SLC33A1: variants seen among roughly 807,000 people sequenced by gnomAD.
SLC33A1 encodes the protein acetyl-coenzyme A transporter 1.
SLC33A1 carries 20 observed loss-of-function variants against 50.0 expected under a neutral mutation model. The ratio of observed to expected loss-of-function variants is 0.40; its 90% confidence interval spans 0.28 to 0.58. The LOEUF is 0.58. Among genes scored for constraint, SLC33A1 ranks in the 20% least tolerant of loss-of-function variants. The pLI is 0.44. For synonymous variants in SLC33A1, 265 were observed against 251.8 expected (o/e 1.05, Z -0.50); for missense variants, 476 against 657.0 (o/e 0.72, Z 3.01).
In SLC33A1 at chr3:155,853,410, G is replaced by A. The variant is rs759952041; in HGVS notation, c.588C>T (p.Ala196=). The change falls in exon 1 of 6, where the codon GCC becomes GCT. Residue 196 remains alanine (A), a synonymous_variant. Transcript: ENST00000643144. The stretch of plus-strand genomic sequence containing the variant: ...ACATAGTTAACGCCCAACCATCGAC[G>A]GCAATGTCCTGAGTGGCGGCCAAGA... ...FEFLAATQDI[A]VDGWALTMLS... The A allele has an allele frequency of 1.2e-6, 2 of 1,614,038 alleles. No homozygotes were observed. Among genetic ancestry groups the A allele is most frequent in the African/African-American group, 1.3e-5 (1 of 75,040 alleles).
At chr3:155,846,009 T>C (rs1442045545) in intron 1 of SLC33A1, among the ~76,000 whole-genome samples, 6 of 152,170 alleles carry the variant, frequency 3.9e-5, no homozygotes, top group Non-Finnish European at 8.8e-5. Flanking sequence ...GATTTCCGAG[T>C]AAAGACCTAA....
Position 155,833,495 on chromosome 3 carries a change from T to G in SLC33A1, c.1239A>C (p.Val413=), listed in dbSNP as rs1752528635. The G allele has an allele frequency of 1.3e-6, 2 of 1,581,492 alleles. No homozygotes were observed. The highest frequency in any genetic ancestry group is 1.7e-6 in the Non-Finnish European group (2 of 1,150,386). The change falls in exon 4 of 6, where the codon GTA becomes GTC. Residue 413 remains valine, a synonymous_variant. Coordinates refer to ENST00000643144, the MANE Select transcript of SLC33A1 (RefSeq NM_004733.4). ...GATGTAAAGCATAACTCAGCAGGAC[T>G]ACGATATAGTAATATATAGGGAATC... ...QGGFPIYYYI[V]VLLSYALHQV...
intron 1 of SLC33A1, 88 bp downstream of exon 1, chr3:155,853,135 C>T: frequency 8.3e-7 from 1 of 1,204,072 alleles, no homozygotes; most frequent in Non-Finnish European, 1.2e-6. Context: ...ACAATGATTT[C>T]CAGTAAATTA....
chr3:155,837,497 T>C (rs1200903585), intron 2 of SLC33A1, among the ~76,000 whole-genome samples: 3 of 152,162 alleles, frequency 2.0e-5, no homozygotes, highest in African/African-American at 7.2e-5. Context: ...CAAAATACTA[T>C]GCATCTTCTA....
At position 155,827,982 on chromosome 3, in the gene SLC33A1, G is replaced by T. The variant is rs967251437; in HGVS notation, c.*228C>A. 1 of 472,170 alleles carries T rather than the reference G, an allele frequency of 2.1e-6. No individual in the cohort carries two copies. Among genetic ancestry groups the T allele is most frequent in the Non-Finnish European group, 3.8e-6 (1 of 262,520 alleles). 29.2% of individuals were successfully genotyped at this position (472,170 alleles called of 1,614,324 possible). On this transcript the variant is annotated 3_prime_UTR_variant, in exon 6 of 6. Coordinates refer to ENST00000643144, the MANE Select transcript of SLC33A1 (RefSeq NM_004733.4). ...ATCAAATAACAAGGCCAGAAAAGTT[G>T]TTTTAGAATTTCCTGACCTTAAGTA...
At position 155,833,267 on chromosome 3, in the gene SLC33A1, T is replaced by C. The variant is rs879199860; in HGVS notation, c.1266+201A>G. Among the ~76,000 whole-genome samples, 4 of 151,962 alleles carry C rather than the reference T, an allele frequency of 2.6e-5. No homozygotes were observed. The South Asian group carries it at 6.2e-4, about 24-fold the overall frequency. ...TCATCTTGGGAAAAAAATAAATAAA[T>C]AAATAAAAAAGTCTCTTTCTATGAA... On this transcript the variant is annotated intron_variant, in intron 4 of 5. Coordinates refer to ENST00000643144, the MANE Select transcript of SLC33A1 (RefSeq NM_004733.4).
chr3:155,837,217 G>A (rs968741779), intron 2 of SLC33A1, among the ~76,000 whole-genome samples: 5 of 151,994 alleles, frequency 3.3e-5, no homozygotes, highest in Admixed American at 6.6e-5. Context: ...TTAGCTGGGC[G>A]TGGTGGTGGG....
At chr3:155,835,052 T>G (rs1239103110) in intron 2 of SLC33A1, among the ~76,000 whole-genome samples, 1 of 152,228 alleles carries the variant, frequency 6.6e-6, no homozygotes, top group African/African-American at 2.4e-5. Flanking sequence ...AATTAGACAA[T>G]AATATTATAT....
At position 155,853,884 on chromosome 3, in the gene SLC33A1, A is replaced by G; in HGVS notation, c.114T>C (p.Ser38=). The G allele has an allele frequency of 6.4e-7, 1 of 1,559,008 alleles. No homozygotes were observed. The highest frequency in any genetic ancestry group is 2.3e-5 in the East Asian group (1 of 44,404). Residue 38 remains serine, a synonymous_variant, in exon 1 of 6, where the codon AGT becomes AGC. Coordinates refer to ENST00000643144, the MANE Select transcript of SLC33A1 (RefSeq NM_004733.4). ...GPLPPGGWDD[S]HLDSAGREGD... ...CTTCCCGGCCCGCTGAGTCCAAATG[A>G]CTGTCATCCCAACCGCCTGGCGGCA...
chr3:155,850,855 G>A (rs1045047158), intron 1 of SLC33A1, among the ~76,000 whole-genome samples: 5 of 151,790 alleles, frequency 3.3e-5, no homozygotes, highest in Admixed American at 6.6e-5. Context: ...GATCTCAGGT[G>A]ATCTGTCCAC....
At chr3:155,840,213 G>A (rs981220394) in intron 2 of SLC33A1, among the ~76,000 whole-genome samples, 1 of 151,140 alleles carries the variant, frequency 6.6e-6, no homozygotes, top group African/African-American at 2.4e-5. Flanking sequence ...TCATCCTCCC[G>A]AGTAGCTGGG....
intron 1 of SLC33A1, among the ~76,000 whole-genome samples, chr3:155,847,704 C>T (rs554605361): frequency 9.1e-4 from 138 of 151,556 alleles, no homozygotes; most frequent in Middle Eastern, 3.4e-3. Flanking sequence ...GCCGAGATCA[C>T]GCCACTGCAC....
At position 155,821,154 on chromosome 3, in the gene SLC33A1, A is replaced by C. The variant is rs1216355572; in HGVS notation, c.*7056T>G. On this transcript the variant is annotated 3_prime_UTR_variant, in exon 6 of 6. Transcript: ENST00000643144. The stretch of plus-strand genomic sequence containing the variant: ...CTGCATAAATATTAAGGTTTAACAC[A>C]CATCTTTTAATAAATTAACCAAATA... 6.6e-6 allele frequency: 1 copy of C among 152,228 alleles called. No individual in the cohort carries two copies. The highest frequency in any genetic ancestry group is 1.5e-5 in the Non-Finnish European group (1 of 68,034). The allele number at this position is 152,228 out of a possible 1,614,324, so 9.4% of individuals were successfully genotyped here.
At position 155,823,951 on chromosome 3, in the gene SLC33A1, T is replaced by G. The variant is rs543838909; in HGVS notation, c.*4259A>C. ...CTGGTCTCAAACTCCTGACCTCAAG[T>G]GATCCACCCACCTCGGCCTCCCAAA... On this transcript the variant is annotated 3_prime_UTR_variant, in exon 6 of 6. Coordinates refer to ENST00000643144, the MANE Select transcript of SLC33A1 (RefSeq NM_004733.4). 6.6e-6 allele frequency: 1 copy of G among 152,132 alleles called. No individual in the cohort carries two copies. The allele number at this position is 152,132 out of a possible 1,614,324, so 9.4% of individuals were successfully genotyped here.
intron 2 of SLC33A1, 43 bp from the exon 3 acceptor site, chr3:155,834,084 G>A: frequency 6.5e-7 from 1 of 1,546,394 alleles, no homozygotes; most frequent in Non-Finnish European, 8.9e-7. Context: ...CGTGACTTAT[G>A]AAATATTTTC....
At chr3:155,834,186 A>G (rs1752564675) in intron 2 of SLC33A1, 145 bp from the exon 3 acceptor site, 1 of 659,850 alleles carries the variant, frequency 1.5e-6, no homozygotes, top group South Asian at 1.8e-5. Flanking sequence ...ACCTGGTACA[A>G]CAGTCAAGTT....
chr3:155,847,723 G>A (rs1935063674), intron 1 of SLC33A1, among the ~76,000 whole-genome samples: 1 of 151,762 alleles, frequency 6.6e-6, no homozygotes, highest in Non-Finnish European at 1.5e-5. Flanking sequence ...ACTCCAGCCT[G>A]GGTGACAAGT....
chr3:155,834,175 T>G (rs1752564197), intron 2 of SLC33A1, 134 bp from the exon 3 acceptor site: 1 of 685,842 alleles, frequency 1.5e-6, no homozygotes, highest in Non-Finnish European at 2.6e-6. Flanking sequence ...CATATTATTA[T>G]ACCTGGTACA....
intron 4 of SLC33A1, among the ~76,000 whole-genome samples, chr3:155,831,491 A>T (rs34946616): frequency 6.1e-4 from 87 of 143,618 alleles, no homozygotes; most frequent in African/African-American, 1.9e-3. Context: ...AAAAAAAAAA[A>T]TTTGTTGAAG....
Sources: allele counts gnomAD v4.1 joint callset (sites outside exome capture counted in the v4.1 genomes callset), GRCh38; gene constraint gnomAD v4.1.1; transcripts MANE v1.5; gene names NCBI Gene and HGNC (gene_info 2026-07-23, HGNC 2026-07-21).